Variants in SLC2A9 observed in about 807,000 individuals in gnomAD.
The protein encoded by SLC2A9 is solute carrier family 2 member 9.
Under a neutral mutation model 50.6 loss-of-function variants are expected in SLC2A9, and 39 were observed. The ratio of observed to expected loss-of-function variants is 0.77; its 90% CI spans 0.60 to 1.01. SLC2A9 has a LOEUF of 1.01. Ranked by LOEUF, SLC2A9 falls within the 50% of genes least tolerant of loss-of-function variation. The pLI, the probability that SLC2A9 is intolerant of heterozygous loss-of-function variation, is 0.00. For missense variants in SLC2A9, 686 were observed against 677.6 expected (o/e 1.01, Z -0.14); for synonymous variants, 324 against 276.9 (o/e 1.17, Z -1.69).
intron 8 of SLC2A9, among the ~76,000 whole-genome samples, chr4:9,892,738 TA>T (rs141495424): frequency 8.5e-4 from 129 of 152,338 alleles, no homozygotes; most frequent in Non-Finnish European, 1.5e-3. Context: ...TCATTTTAAC[TA>T]AGGAGTGCCC....
intron 2 of SLC2A9, 147 bp from the exon 3 acceptor site, chr4:9,997,088 T>C (rs1365806353): frequency 1.2e-6 from 1 of 857,576 alleles, no homozygotes; most frequent in Non-Finnish European, 1.9e-6. Flanking sequence ...CATTGGCCTC[T>C]TCTAACAAAT....
intron 3 of SLC2A9, among the ~76,000 whole-genome samples, chr4:9,810,032 A>G (rs530700609): frequency 6.6e-6 from 1 of 152,216 alleles, no homozygotes; most frequent in East Asian, 1.9e-4. Flanking sequence ...TAAAGTCACA[A>G]TCCAGACACT....
At chr4:10,023,845 A>G (rs1169387247), upstream of SLC2A9, among the ~76,000 whole-genome samples, 1 of 152,232 alleles carries the variant, frequency 6.6e-6, no homozygotes. Context: ...GCCTGCCTCC[A>G]AAGCGAGGGC....
intron 5 of SLC2A9, among the ~76,000 whole-genome samples, chr4:9,961,207 G>C (rs923960186): frequency 6.6e-6 from 1 of 152,096 alleles, no homozygotes; most frequent in Non-Finnish European, 1.5e-5. Context: ...GAGAGGCTTG[G>C]AGTGACCCAG....
downstream of SLC2A9, among the ~76,000 whole-genome samples, chr4:9,776,986 T>C (rs572635911): frequency 3.3e-5 from 5 of 152,306 alleles, no homozygotes; most frequent in Non-Finnish European, 5.9e-5. Context: ...TTACATGGGC[T>C]TACTTTCCTC....
chr4:9,802,856 G>T (rs753943696), intron 3 of SLC2A9, among the ~76,000 whole-genome samples: 3 of 152,136 alleles, frequency 2.0e-5, no homozygotes, highest in African/African-American at 4.8e-5. Context: ...GAGCCACAGC[G>T]CCCGGCTGGG....
chr4:10,016,029 G>T (rs965728593), intron 2 of SLC2A9, among the ~76,000 whole-genome samples: 1 of 152,174 alleles, frequency 6.6e-6, no homozygotes, highest in African/African-American at 2.4e-5. Context: ...TGGACTCAAG[G>T]CCTCCTCGGG....
chr4:10,037,236 G>T (rs1256668352), intron 1 of SLC2A9, among the ~76,000 whole-genome samples: 1 of 152,146 alleles, frequency 6.6e-6, no homozygotes, highest in Non-Finnish European at 1.5e-5. Context: ...CTCAAAATGA[G>T]ACCTCAGCCC....
intron 7 of SLC2A9, among the ~76,000 whole-genome samples, chr4:9,909,364 T>C (rs964498412): frequency 6.6e-6 from 1 of 152,120 alleles, no homozygotes; most frequent in Non-Finnish European, 1.5e-5. Flanking sequence ...GGTCTTGGAG[T>C]TGCTATACCA....
At chr4:9,854,238 C>T (rs1425092699) in intron 10 of SLC2A9, among the ~76,000 whole-genome samples, 3 of 151,934 alleles carry the variant, frequency 2.0e-5, no homozygotes, top group Non-Finnish European at 4.4e-5. Flanking sequence ...TGATAGGCCA[C>T]TATCTAAACT....
At chr4:10,020,171 G>A (rs1381069176) in intron 1 of SLC2A9, among the ~76,000 whole-genome samples, 1 of 152,086 alleles carries the variant, frequency 6.6e-6, no homozygotes, top group Non-Finnish European at 1.5e-5. Context: ...ATCCCGTCTG[G>A]AAGGGAATGC....
chr4:9,895,064 CAG>C (rs1396025237), intron 8 of SLC2A9, among the ~76,000 whole-genome samples: 1 of 152,178 alleles, frequency 6.6e-6, no homozygotes, highest in Admixed American at 6.5e-5. Context: ...CCCACAATTT[CAG>C]AGTCAGAAAG....
chr4:9,865,258 C>T (rs1732261954), intron 10 of SLC2A9, among the ~76,000 whole-genome samples: 1 of 152,224 alleles, frequency 6.6e-6, no homozygotes, highest in Non-Finnish European at 1.5e-5. Context: ...AAGAATGCTG[C>T]TCAACATCAG....
chr4:9,933,653 T>C lies in SLC2A9; in HGVS notation c.814+8260A>G, dbSNP rs115502819. ...AATGGTTGCCATGTACCTAGCTCTA[T>C]TCACTTCCTCTTGCTGCTACAGCAA... On this transcript the variant is annotated intron_variant, in intron 6 of 11. Coordinates refer to ENST00000264784, the MANE Select transcript of SLC2A9 (RefSeq NM_020041.3). 9.8e-3 allele frequency among the ~76,000 whole-genome samples: 1,493 copies of C among 152,320 alleles called. 8 individuals are homozygous for C. Among genetic ancestry groups the C allele is most frequent in the Middle Eastern group, 0.024 (7 of 294 alleles).
intron 5 of SLC2A9, among the ~76,000 whole-genome samples, chr4:9,947,166 G>A (rs917960428): frequency 6.6e-6 from 1 of 152,178 alleles, no homozygotes; most frequent in Admixed American, 6.5e-5. Flanking sequence ...GGGGCCAATG[G>A]ATGTGTAAAA....
intron 5 of SLC2A9, among the ~76,000 whole-genome samples, chr4:9,942,905 C>T (rs765789158): frequency 6.6e-5 from 10 of 152,356 alleles, no homozygotes; most frequent in Admixed American, 1.3e-4. Flanking sequence ...ATCCTTGACA[C>T]GTTTATTTCC....
At chr4:9,893,290 T>A (rs1737880503) in intron 8 of SLC2A9, among the ~76,000 whole-genome samples, 1 of 151,984 alleles carries the variant, frequency 6.6e-6, no homozygotes, top group Non-Finnish European at 1.5e-5. Flanking sequence ...GGAGCCTTCA[T>A]CTTTGCTTTC....
chr4:9,928,115 A>T (rs996800118), intron 6 of SLC2A9, among the ~76,000 whole-genome samples: 19 of 152,204 alleles, frequency 1.2e-4, no homozygotes, highest in Non-Finnish European at 1.0e-4. Flanking sequence ...CATCTCAAGA[A>T]AAAAAACAAA....
intron 5 of SLC2A9, among the ~76,000 whole-genome samples, chr4:9,953,935 G>C (rs4385058): frequency 1.3e-5 from 2 of 151,716 alleles, no homozygotes; most frequent in East Asian, 3.9e-4. Flanking sequence ...TCAGCCTCCC[G>C]AGTAGCTGGG....
Sources: gnomAD v4.1 joint callset for allele counts (sites outside exome capture counted in the v4.1 genomes callset) on GRCh38, gnomAD v4.1.1 for gene constraint, MANE v1.5 for transcripts, NCBI Gene and HGNC (gene_info 2026-07-23, HGNC 2026-07-21) for gene names.